The following TRPV2 variants were observed in gnomAD, a reference collection of about 807,000 sequenced individuals.
TRPV2 encodes transient receptor potential cation channel subfamily V member 2, also known as OTRPC2.
In TRPV2, 58 loss-of-function variants were observed where a neutral mutation model predicts 91.0. The ratio of observed to expected loss-of-function variants is 0.64; its 90% CI spans 0.52 to 0.79. The LOEUF (loss-of-function observed/expected upper bound fraction) is 0.79, where lower values mean the gene tolerates loss of function less well. Ranked by LOEUF, TRPV2 falls within the 30% of genes least tolerant of loss-of-function variation. The pLI is 0.00. For missense variants in TRPV2, 807 were observed against 969.6 expected (o/e 0.83, Z 2.23); for synonymous variants, 417 against 414.8 (o/e 1.01, Z -0.06).
chr17:16,431,386 T>C (rs1489176681), intron 10 of TRPV2, among the ~76,000 whole-genome samples: 2 of 144,372 alleles, frequency 1.4e-5, no homozygotes, highest in African/African-American at 5.2e-5. Flanking sequence ...CTCTGCCTCC[T>C]GGGTTCAAGT....
intron 8 of TRPV2, among the ~76,000 whole-genome samples, chr17:16,427,862 TG>T (rs1325905565): frequency 6.6e-6 from 1 of 152,080 alleles, no homozygotes; most frequent in African/African-American, 2.4e-5. Context: ...GCTCCCCTCT[TG>T]GGGAGCACAG....
intron 8 of TRPV2, 38 bp from the exon 9 acceptor site, chr17:16,428,279 G>A (rs747223343): frequency 6.2e-7 from 1 of 1,605,324 alleles, no homozygotes; most frequent in Non-Finnish European, 8.5e-7. Context: ...ATGCGGGAGA[G>A]CAGGTTTCAC....
chr17:16,428,266 G>A (rs754164210), intron 8 of TRPV2, 51 bp from the exon 9 acceptor site: 2 of 1,576,476 alleles, frequency 1.3e-6, no homozygotes, highest in Admixed American at 3.3e-5. Flanking sequence ...GCCAGCAGGG[G>A]GCATGCGGGA....
Position 16,423,787 on chromosome 17 carries a change from C to T in TRPV2, c.924+20C>T, listed in dbSNP as rs763681975. On this transcript the variant is annotated intron_variant, in intron 5 of 14. Transcript: ENST00000338560. ...ATCGAGGTGAGCGGCTGTCCCCTTCCCACTTCCCCTCTCCAGGAAGCAGTA... is the reference window on the plus strand; with the variant it reads ...ATCGAGGTGAGCGGCTGTCCCCTTCTCACTTCCCCTCTCCAGGAAGCAGTA... The T allele has an allele frequency of 2.0e-6, 3 of 1,536,200 alleles. No individual in the cohort carries two copies. In the South Asian group the frequency reaches 3.7e-5, roughly 19 times the overall value.
chr17:16,436,915 A>C lies in TRPV2; in HGVS notation c.*26A>C. ...TGGCCCAGATGCAGCAGGAGGCCAG[A>C]GGACAGAGCAGAGGATCTTTCCAAC... On this transcript the variant is annotated 3_prime_UTR_variant, in exon 15 of 15. Transcript: ENST00000338560. 1 of 1,575,502 alleles carries C rather than the reference A, an allele frequency of 6.3e-7. No individual in the cohort carries two copies. The highest frequency in any genetic ancestry group is 8.7e-7 in the Non-Finnish European group (1 of 1,144,884).
intron 2 of TRPV2, among the ~76,000 whole-genome samples, chr17:16,419,584 C>A (rs562982494): frequency 1.4e-4 from 21 of 152,152 alleles, no homozygotes; most frequent in Non-Finnish European, 3.1e-4. Context: ...AGTTTCTGAC[C>A]AGCAGGGCTG....
At position 16,426,784 on chromosome 17, in the gene TRPV2, G is replaced by C. The variant is rs751390433; in HGVS notation, c.1158G>C (p.Leu386=). ...LNKLLQAKWD[L]LIPKFFLNFL... is the part of the protein sequence containing the mutation. ...AACTGCTGCAGGCGAAATGGGATCT[G>C]CTCATCCCCAAGTTCTTCTTAAACT... is the stretch of plus-strand genomic sequence containing the variant. The change falls in exon 7 of 15, where the codon CTG becomes CTC. Residue 386 remains leucine, a synonymous_variant. Coordinates refer to ENST00000338560, the MANE Select transcript of TRPV2 (RefSeq NM_016113.5). This position sits in a 1 kb window ranked among gnomAD's most constrained non-coding sequence, Gnocchi z 6.0. The C allele has an allele frequency of 6.2e-7, 1 of 1,614,050 alleles. No individual in the cohort carries two copies. The highest frequency in any genetic ancestry group is 1.1e-5 in the South Asian group (1 of 91,076).
At chr17:16,425,481 C>T (rs541707987) in intron 5 of TRPV2, among the ~76,000 whole-genome samples, 2 of 152,298 alleles carry the variant, frequency 1.3e-5, no homozygotes, top group South Asian at 2.1e-4. Context: ...GCCTCATGGG[C>T]TTACAGTGGA....
At chr17:16,431,677 T>C in intron 10 of TRPV2, 107 bp from the exon 11 acceptor site, 5 of 959,844 alleles carry the variant, frequency 5.2e-6, no homozygotes, top group Non-Finnish European at 8.4e-6. Flanking sequence ...TATGTGTGCG[T>C]ATGTGCAGTG....
At chr17:16,417,432 T>A (rs1312235741) in intron 1 of TRPV2, 130 bp from the exon 2 acceptor site, 2 of 421,586 alleles carry the variant, frequency 4.7e-6, no homozygotes, top group Non-Finnish European at 8.7e-6. Context: ...TTAGTGGAGA[T>A]GGGGTTTCAC....
intron 3 of TRPV2, 46 bp downstream of exon 3, chr17:16,420,294 ATAGT>A (rs5819569): frequency 0.62 from 979,296 of 1,581,896 alleles, 311,611 homozygotes; most frequent in Non-Finnish European, 0.66. Flanking sequence ...CTGTGAGCTG[ATAGT>A]TAGGTGGGCT....
chr17:16,421,215 CT>C lies in TRPV2; in HGVS notation c.334+978del, dbSNP rs769679042. ...TATCCACTTTGTTTATATTATTCCC[CT>C]TTTTTTTTTTGGAGACGGAGTCTTG... On this transcript the variant is annotated intron_variant, in intron 3 of 14. Transcript: ENST00000338560. 1.3e-3 allele frequency among the ~76,000 whole-genome samples: 187 copies of C among 147,472 alleles called. 2 individuals carry two copies. In the East Asian group the frequency reaches 0.019, roughly 15 times the overall value.
intron 7 of TRPV2, 71 bp from the exon 8 acceptor site, chr17:16,427,378 C>T: frequency 6.9e-7 from 1 of 1,455,088 alleles, no homozygotes; most frequent in Non-Finnish European, 9.5e-7. Context: ...AGGCCCTCAG[C>T]TTCAGCTCTG....
At chr17:16,428,703 C>T (rs1407617357) in intron 9 of TRPV2, 114 bp from the exon 10 acceptor site, 1 of 1,209,628 alleles carries the variant, frequency 8.3e-7, no homozygotes. Flanking sequence ...CTGAGGCCCA[C>T]AGAGGTTAAA....
chr17:16,419,798 A>C (rs558305090), intron 2 of TRPV2, among the ~76,000 whole-genome samples: 1 of 152,194 alleles, frequency 6.6e-6, no homozygotes, highest in Non-Finnish European at 1.5e-5. Context: ...ACCCAGTGGG[A>C]TATCGAGGCT....
At position 16,435,691 on chromosome 17, in the gene TRPV2, T is replaced by C. The variant is rs1404092334; in HGVS notation, c.2194+722T>C. On this transcript the variant is annotated intron_variant, in intron 14 of 14. Transcript: ENST00000338560. This position sits in a 1 kb window ranked among gnomAD's most constrained non-coding sequence, Gnocchi z 4.2. ...CACCTCCTCTCCTTTCTCCATCTCTTTCCTGACAAATTTCACTTGCTTGTG... is the reference window on the plus strand; with the variant it reads ...CACCTCCTCTCCTTTCTCCATCTCTCTCCTGACAAATTTCACTTGCTTGTG... Among the ~76,000 whole-genome samples the C allele has an allele frequency of 6.6e-6, 1 of 152,080 alleles. No individual in the cohort carries two copies. The highest frequency in any genetic ancestry group is 1.5e-5 in the Non-Finnish European group (1 of 68,018).
chr17:16,432,193 GCCTACGTGCTGCTCA>G lies in TRPV2; in HGVS notation c.1888_1902del (p.Val630_Tyr634del). ...CGGCATGGTGCTGCTGCTGCTGCTG[GCCTACGTGCTGCTCA>G]CCTACATCCTGCTGCTCAACATGCT... is the stretch of plus-strand genomic sequence containing the variant. On this transcript the variant is annotated inframe_deletion, in exon 12 of 15. Transcript: ENST00000338560. 2 of 1,614,176 alleles carry G rather than the reference GCCTACGTGCTGCTCA, an allele frequency of 1.2e-6. No homozygotes were observed. The highest frequency in any genetic ancestry group is 1.7e-6 in the Non-Finnish European group (2 of 1,180,016).
Position 16,417,569 on chromosome 17 carries a change from T to C in TRPV2, c.-100T>C. The C allele has an allele frequency of 7.6e-7, 1 of 1,317,520 alleles. No homozygotes were observed. Among genetic ancestry groups the C allele is most frequent in the South Asian group, 1.3e-5 (1 of 77,528 alleles). The allele number at this position is 1,317,520 out of a possible 1,614,324, so 81.6% of individuals were successfully genotyped here. ...TAATACCTCCTTTTGCAGGCTCCAG[T>C]CAGGCCAACACCGACGCGCAGCTGG... On this transcript the variant is annotated 5_prime_UTR_variant, in exon 2 of 15. Coordinates refer to ENST00000338560, the MANE Select transcript of TRPV2 (RefSeq NM_016113.5).
In TRPV2 at chr17:16,419,169, G is replaced by C. The variant is rs150890761; in HGVS notation, c.201-946G>C. On this transcript the variant is annotated intron_variant, in intron 2 of 14. Coordinates refer to ENST00000338560, the MANE Select transcript of TRPV2 (RefSeq NM_016113.5). ...ATAGCACCCCCTGTTCTTTGTCTTC[G>C]CATATCTGCTGGTGGTGGTACCAGA... Among the ~76,000 whole-genome samples the C allele has an allele frequency of 2.0e-5, 3 of 152,078 alleles. No homozygotes were observed. In the South Asian group the frequency reaches 6.2e-4, roughly 31 times the overall value.
Sources: gnomAD v4.1 joint callset for allele counts (sites outside exome capture counted in the v4.1 genomes callset) on GRCh38, gnomAD v4.1.1 for gene constraint, Gnocchi (gnomAD v3.1) non-coding constraint, MANE v1.5 for transcripts, NCBI Gene and HGNC (gene_info 2026-07-23, HGNC 2026-07-21) for gene names.